The following OSBPL10 variants were observed in gnomAD, a reference collection of about 807,000 sequenced individuals.
The protein encoded by OSBPL10 is oxysterol-binding protein-related protein 10.
In OSBPL10, 49 loss-of-function variants were observed where a neutral mutation model predicts 81.7. The ratio of observed to expected loss-of-function variants is 0.60; its 90% CI spans 0.48 to 0.76. OSBPL10 has a LOEUF of 0.76. Ranked by LOEUF, OSBPL10 falls within the 30% of genes least tolerant of loss-of-function variation. The pLI, the probability that OSBPL10 is intolerant of heterozygous loss-of-function variation, is 0.00. For missense variants in OSBPL10, 923 were observed against 987.8 expected (o/e 0.93, Z 0.88); for synonymous variants, 419 against 383.6 (o/e 1.09, Z -1.08).
intron 4 of OSBPL10, chr3:31,794,960 A>T: frequency 3.1e-6 from 1 of 326,916 alleles, no homozygotes; most frequent in Non-Finnish European, 6.2e-6. Context: ...TGTAAAGTCC[A>T]TGTGTCACAG....
intron 2 of OSBPL10, among the ~76,000 whole-genome samples, chr3:31,999,196 G>A (rs1417273309): frequency 2.0e-5 from 3 of 152,142 alleles, no homozygotes; most frequent in African/African-American, 7.2e-5. Context: ...GCAATCAGGT[G>A]TGGCATGTAG....
chr3:31,928,309 A>C (rs1697136640), intron 1 of OSBPL10, among the ~76,000 whole-genome samples: 1 of 152,194 alleles, frequency 6.6e-6, no homozygotes, highest in South Asian at 2.1e-4. Context: ...CCTGGAAAAA[A>C]ACAATCCACT....
intron 1 of OSBPL10, among the ~76,000 whole-genome samples, chr3:31,903,027 T>C (rs1031674796): frequency 2.0e-5 from 3 of 152,190 alleles, no homozygotes; most frequent in African/African-American, 7.2e-5. Flanking sequence ...CCCATGCCCT[T>C]CCTTCCTCCT....
intron 5 of OSBPL10, among the ~76,000 whole-genome samples, chr3:31,736,394 C>T (rs931750701): frequency 6.6e-6 from 1 of 152,098 alleles, no homozygotes; most frequent in Non-Finnish European, 1.5e-5. Context: ...ACACTAAAAC[C>T]AAAGGCTAAA....
In OSBPL10 at chr3:31,809,957, T is replaced by C. The variant is rs138901191; in HGVS notation, c.729+20083A>G. Among the ~76,000 whole-genome samples the C allele has an allele frequency of 9.6e-3, 1,407 of 146,124 alleles. 16 individuals are homozygous for C. The highest frequency in any genetic ancestry group is 0.032 in the South Asian group (144 of 4,514). On this transcript the variant is annotated intron_variant, in intron 4 of 11. Coordinates refer to ENST00000396556, the MANE Select transcript of OSBPL10 (RefSeq NM_017784.5). ...AGTGATCTCGGTTCACCACAACCTC[T>C]GCCTCCTGGATTCAAGCGATTCTCC...
In OSBPL10 at chr3:31,948,947, A is replaced by T. The variant is rs770374846; in HGVS notation, c.281+31952T>A. Among the ~76,000 whole-genome samples the T allele has an allele frequency of 4.6e-5, 7 of 152,188 alleles. 1 individual carries two copies. Among genetic ancestry groups the T allele is most frequent in the Admixed American group, 3.9e-4 (6 of 15,284 alleles). ...AGCGAAATTAACTTTGTAATAAAAGACTATTTGATTATTCAGAGAAAAGGG... is the reference window on the plus strand; with the variant it reads ...AGCGAAATTAACTTTGTAATAAAAGTCTATTTGATTATTCAGAGAAAAGGG... On this transcript the variant is annotated intron_variant, in intron 1 of 11. Transcript: ENST00000396556.
chr3:31,746,724 T>TA (rs796803577), intron 5 of OSBPL10, among the ~76,000 whole-genome samples: 1 of 134,770 alleles, frequency 7.4e-6, no homozygotes, highest in Non-Finnish European at 1.5e-5. Flanking sequence ...ATCGCAAGGA[T>TA]AAAAAACCAA....
At chr3:31,802,383 C>A (rs540857525) in intron 4 of OSBPL10, among the ~76,000 whole-genome samples, 1 of 150,730 alleles carries the variant, frequency 6.6e-6, no homozygotes, top group African/African-American at 2.4e-5. Context: ...CATGGTGAAA[C>A]CCCATCTCTA....
chr3:31,948,871 T>TACCA (rs2125440660), intron 1 of OSBPL10, among the ~76,000 whole-genome samples: 1 of 152,208 alleles, frequency 6.6e-6, no homozygotes, highest in East Asian at 1.9e-4. Flanking sequence ...CATGATGGAG[T>TACCA]TAGAGAGTAC....
At chr3:31,932,871 A>G (rs1415204472) in intron 1 of OSBPL10, among the ~76,000 whole-genome samples, 3 of 152,160 alleles carry the variant, frequency 2.0e-5, no homozygotes, top group Admixed American at 2.0e-4. Flanking sequence ...TAACCTTTTA[A>G]GATGGTAGAA....
chr3:31,769,416 G>T (rs1174204661), intron 4 of OSBPL10, among the ~76,000 whole-genome samples: 1 of 113,622 alleles, frequency 8.8e-6, no homozygotes, highest in African/African-American at 3.2e-5. Context: ...CTGCACTCCA[G>T]CCTGGGCAAC....
At chr3:31,798,307 G>A (rs1699291538) in intron 4 of OSBPL10, among the ~76,000 whole-genome samples, 1 of 152,042 alleles carries the variant, frequency 6.6e-6, no homozygotes, top group African/African-American at 2.4e-5. Flanking sequence ...GCAGGTGCCT[G>A]TAATCCCAGC....
At chr3:31,698,117 C>T (rs1695784983) in intron 7 of OSBPL10, among the ~76,000 whole-genome samples, 1 of 152,050 alleles carries the variant, frequency 6.6e-6, no homozygotes, top group South Asian at 2.1e-4. Context: ...GTCACCCCAC[C>T]TCAGTCTATT....
rs1188920637 is a variant in OSBPL10, at chr3:31,961,064, T to G, written c.281+19835A>C. 3.3e-5 allele frequency among the ~76,000 whole-genome samples: 5 copies of G among 151,152 alleles called. No homozygotes were observed. The East Asian group carries it at 9.7e-4, about 29-fold the overall frequency. The stretch of plus-strand genomic sequence containing the variant: ...GCTACAGCCTTTTTTTTTTTTTTTT[T>G]TTTTTTAACTTGCCAGAGCCATTCT... On this transcript the variant is annotated intron_variant, in intron 1 of 11. Transcript: ENST00000396556.
intron 3 of OSBPL10, among the ~76,000 whole-genome samples, chr3:31,853,572 A>G (rs1700824222): frequency 6.6e-6 from 1 of 152,218 alleles, no homozygotes; most frequent in Non-Finnish European, 1.5e-5. Flanking sequence ...GATCGATGCT[A>G]TAGTTTGCCC....
chr3:31,965,779 TA>T (rs1698361018), intron 1 of OSBPL10, among the ~76,000 whole-genome samples: 1 of 75,670 alleles, frequency 1.3e-5, no homozygotes, highest in African/African-American at 6.1e-5. Context: ...ATATATATTA[TA>T]TAAATAGATA....
chr3:31,770,101 C>A (rs1013456036), intron 4 of OSBPL10, among the ~76,000 whole-genome samples: 8 of 151,950 alleles, frequency 5.3e-5, no homozygotes, highest in African/African-American at 1.9e-4. Flanking sequence ...ATAAAAAAAC[C>A]AAAACTTGTA....
chr3:31,729,596 T>C (rs1234047095), intron 6 of OSBPL10, among the ~76,000 whole-genome samples: 1 of 151,914 alleles, frequency 6.6e-6, no homozygotes, highest in African/African-American at 2.4e-5. Context: ...CATTTTTGTA[T>C]TTTTAATAGA....
intron 2 of OSBPL10, among the ~76,000 whole-genome samples, chr3:32,016,622 T>C (rs1699315372): frequency 6.6e-6 from 1 of 152,190 alleles, no homozygotes; most frequent in Non-Finnish European, 1.5e-5. Flanking sequence ...GGGTTTTTCC[T>C]GGCATCATAA....
Sources: allele counts gnomAD v4.1 joint callset (sites outside exome capture counted in the v4.1 genomes callset), GRCh38; gene constraint gnomAD v4.1.1; transcripts MANE v1.5; gene names NCBI Gene and HGNC (gene_info 2026-07-23, HGNC 2026-07-21).